Variants in LIPC observed in about 807,000 individuals in gnomAD.
LIPC encodes hepatic triacylglycerol lipase.
A neutral mutation model predicts 50.7 loss-of-function variants in LIPC; 44 were observed. The ratio of observed to expected loss-of-function variants is 0.87; its 90% CI spans 0.68 to 1.11. The LOEUF (loss-of-function observed/expected upper bound fraction) is 1.11. LIPC is among the 50% of genes most tolerant of loss of function. LIPC has a pLI of 0.00. For missense variants in LIPC, 697 were observed against 648.2 expected (o/e 1.08, Z -0.82); for synonymous variants, 271 against 256.4 (o/e 1.06, Z -0.54).
intron 1 of LIPC, among the ~76,000 whole-genome samples, chr15:58,479,125 G>A (rs1891101337): frequency 6.6e-6 from 1 of 152,196 alleles, no homozygotes; most frequent in South Asian, 2.1e-4. Context: ...TGTGATTTAT[G>A]CATGAGACAC....
chr15:58,464,848 C>G (rs1352075228), intron 1 of LIPC, among the ~76,000 whole-genome samples: 2 of 152,120 alleles, frequency 1.3e-5, no homozygotes, highest in African/African-American at 2.4e-5. Flanking sequence ...TGGTGTGCAC[C>G]TGTAGTCCCA....
chr15:58,563,476 T>G (rs1195716049), intron 7 of LIPC, 29 bp from the exon 8 acceptor site: 1 of 1,557,370 alleles, frequency 6.4e-7, no homozygotes, highest in Admixed American at 1.7e-5. Context: ...ACTAAACTGA[T>G]TGTGTCTGAT....
intron 1 of LIPC, among the ~76,000 whole-genome samples, chr15:58,461,587 T>TTA (rs1894350164): frequency 1.3e-5 from 2 of 151,944 alleles, no homozygotes. Flanking sequence ...TTTTGATTTT[T>TTA]TTTTTTTTTT....
intron 1 of LIPC, among the ~76,000 whole-genome samples, chr15:58,515,133 A>G (rs1352735264): frequency 6.6e-6 from 1 of 152,134 alleles, no homozygotes; most frequent in Non-Finnish European, 1.5e-5. Flanking sequence ...CCTCTTTCTT[A>G]TAAGAACCCT....
In LIPC at chr15:58,541,912, T is replaced by C. The variant is rs1459653411; in HGVS notation, c.401T>C (p.Val134Ala). 6.2e-7 allele frequency: 1 copy of C among 1,611,858 alleles called. No homozygotes were observed. Among genetic ancestry groups the C allele is most frequent in the East Asian group, 2.2e-5 (1 of 44,886 alleles). ...TLAHDHYTIA[V>A]RNTRLVGKEV... ...GCCCACGACCACTACACCATCGCCGTCCGCAACACCCGCCTTGTGGGCAAG... is the reference window on the plus strand; with the variant it reads ...GCCCACGACCACTACACCATCGCCGCCCGCAACACCCGCCTTGTGGGCAAG... The change falls in exon 3 of 9, where the codon GTC (valine) becomes GCC (alanine). Residue 134 changes from valine (V) to alanine (A), a missense_variant. Transcript: ENST00000299022.
intron 1 of LIPC, among the ~76,000 whole-genome samples, chr15:58,496,749 A>G (rs994788512): frequency 2.3e-4 from 34 of 151,104 alleles, no homozygotes; most frequent in African/African-American, 8.0e-4. Context: ...CCCTCAAAAA[A>G]AAAAAAAAAA....
chr15:58,551,701 G>A (rs556337847), intron 6 of LIPC, among the ~76,000 whole-genome samples: 40 of 152,260 alleles, frequency 2.6e-4, no homozygotes, highest in Non-Finnish European at 2.2e-4. Context: ...ACTCTTAAAA[G>A]AGCAGACTTG....
At chr15:58,461,764 C>T (rs922726113) in intron 1 of LIPC, among the ~76,000 whole-genome samples, 62 of 151,974 alleles carry the variant, frequency 4.1e-4, no homozygotes, top group African/African-American at 1.5e-3. Context: ...ATCTATGTGC[C>T]GAAGAAAGGA....
chr15:58,536,990 G>C (rs754309640), intron 1 of LIPC, among the ~76,000 whole-genome samples: 1 of 152,188 alleles, frequency 6.6e-6, no homozygotes, highest in African/African-American at 2.4e-5. Flanking sequence ...TTTATTCTCA[G>C]AAAGAATGAT....
chr15:58,467,795 T>C (rs1894624669), intron 1 of LIPC, among the ~76,000 whole-genome samples: 1 of 152,180 alleles, frequency 6.6e-6, no homozygotes. Context: ...ATCCCTTACA[T>C]CAAATCCTGT....
At chr15:58,529,970 G>A (rs569259111) in intron 1 of LIPC, among the ~76,000 whole-genome samples, 1 of 152,370 alleles carries the variant, frequency 6.6e-6, no homozygotes, top group East Asian at 1.9e-4. Flanking sequence ...ACAACTGAAT[G>A]TTGACTTGGT....
intron 1 of LIPC, among the ~76,000 whole-genome samples, chr15:58,507,000 T>G (rs1374214981): frequency 6.6e-6 from 1 of 152,100 alleles, no homozygotes; most frequent in African/African-American, 2.4e-5. Context: ...TAGGGGAAGC[T>G]CCTTATAAAA....
rs188237673 is a variant in LIPC, at chr15:58,475,027, C to T, written c.88+42907C>T. ...AGTTCTCAAATGCCACCTGTGGTGGCCCCTTCTCAGCCCTCACCCTGAGAG... is the reference window on the plus strand; with the variant it reads ...AGTTCTCAAATGCCACCTGTGGTGGTCCCTTCTCAGCCCTCACCCTGAGAG... On this transcript the variant is annotated intron_variant, in intron 1 of 8. Coordinates refer to ENST00000299022, the MANE Select transcript of LIPC (RefSeq NM_000236.3). 5.7e-3 allele frequency among the ~76,000 whole-genome samples: 873 copies of T among 152,306 alleles called. 7 individuals are homozygous for T. The highest frequency in any genetic ancestry group is 0.034 in the Middle Eastern group (10 of 294).
rs1429152798 is a variant in LIPC, at chr15:58,548,228, T to G, written c.809-102T>G. 2.7e-6 allele frequency: 4 copies of G among 1,502,224 alleles called. No homozygotes were observed. In the African/African-American group the frequency reaches 5.5e-5, roughly 21 times the overall value. 93.1% of individuals were successfully genotyped at this position (1,502,224 alleles called of 1,614,324 possible). A position where few individuals can be genotyped will look rare whatever the true frequency, so the allele number is the denominator to read the frequency against. On this transcript the variant is annotated intron_variant, in intron 5 of 8. Transcript: ENST00000299022. ...CAAGCCCACCCTTGCCTGTTCTGTG[T>G]GCTACTGCTAACCTCCTGTGGGATG...
intron 6 of LIPC, among the ~76,000 whole-genome samples, chr15:58,557,402 T>TTTTTTTTTG (rs796425195): frequency 1.4e-5 from 2 of 142,304 alleles, no homozygotes; most frequent in African/African-American, 5.4e-5. Flanking sequence ...TTTTTTTTTT[T>TTTTTTTTTG]GAGATGTAGT....
intron 1 of LIPC, among the ~76,000 whole-genome samples, chr15:58,441,167 C>T (rs552635142): frequency 6.6e-6 from 1 of 152,312 alleles, no homozygotes; most frequent in African/African-American, 2.4e-5. Flanking sequence ...CCTGGCCCTA[C>T]ACCCGCAAAC....
intron 1 of LIPC, among the ~76,000 whole-genome samples, chr15:58,462,926 A>G (rs753562661): frequency 7.9e-5 from 12 of 152,192 alleles, no homozygotes; most frequent in Non-Finnish European, 1.6e-4. Context: ...GCTCATTAGC[A>G]CTGCACAGGC....
chr15:58,484,458 C>T lies in LIPC; in HGVS notation c.88+52338C>T, dbSNP rs968361246. On this transcript the variant is annotated intron_variant, in intron 1 of 8. Transcript: ENST00000299022. Reference sequence around the variant, plus strand: ...GCTCAGAGACAACTCTTTTTATTTACGTCACAAATGCTTCTACAGCACCTA... The same window carrying T: ...GCTCAGAGACAACTCTTTTTATTTATGTCACAAATGCTTCTACAGCACCTA... 2.0e-5 allele frequency among the ~76,000 whole-genome samples: 3 copies of T among 152,252 alleles called. No homozygotes were observed. The South Asian group carries it at 6.2e-4, about 31-fold the overall frequency.
At chr15:58,560,630 T>C (rs1279849767) in intron 6 of LIPC, among the ~76,000 whole-genome samples, 2 of 152,026 alleles carry the variant, frequency 1.3e-5, no homozygotes, top group Non-Finnish European at 2.9e-5. Flanking sequence ...GGTGAATATT[T>C]ATCATTATTA....
Sources: allele counts gnomAD v4.1 joint callset (sites outside exome capture counted in the v4.1 genomes callset), GRCh38; gene constraint gnomAD v4.1.1; transcripts MANE v1.5; gene names NCBI Gene and HGNC (gene_info 2026-07-23, HGNC 2026-07-21).